The following DHRSX variants were observed in gnomAD, a reference collection of about 807,000 sequenced individuals.
The protein encoded by DHRSX is dehydrogenase/reductase X-linked.
Under a neutral mutation model 34.0 loss-of-function variants are expected in DHRSX, and 31 were observed. The ratio of observed to expected loss-of-function variants is 0.91; its 90% CI spans 0.69 to 1.23. DHRSX has a LOEUF of 1.23. DHRSX is among the 50% of genes most tolerant of loss of function. DHRSX has a pLI of 0.00. For missense variants in DHRSX, 414 were observed against 428.1 expected (o/e 0.97, Z 0.29); for synonymous variants, 201 against 183.8 (o/e 1.09, Z -0.76).
intron 3 of DHRSX, among the ~76,000 whole-genome samples, chrX:2,348,098 G>A (rs2042743283): frequency 6.6e-6 from 1 of 152,084 alleles, no homozygotes; most frequent in African/African-American, 2.4e-5. Context: ...CCCTGCCTTG[G>A]GATAGTCCAA....
At chrX:2,246,859 A>G (rs1023801083) in intron 5 of DHRSX, among the ~76,000 whole-genome samples, 2 of 152,210 alleles carry the variant, frequency 1.3e-5, no homozygotes, top group Non-Finnish European at 2.9e-5. Flanking sequence ...CACATAAAAG[A>G]AAACCAAAAA....
At chrX:2,328,787 T>C (rs1392291102) in intron 3 of DHRSX, among the ~76,000 whole-genome samples, 2 of 152,138 alleles carry the variant, frequency 1.3e-5, no homozygotes, top group African/African-American at 4.8e-5. Flanking sequence ...ATACAACAGG[T>C]GTTTCATCCT....
chrX:2,363,027 C>T (rs2042953018), intron 3 of DHRSX, among the ~76,000 whole-genome samples: 4 of 117,636 alleles, frequency 3.4e-5, no homozygotes, highest in African/African-American at 6.1e-5. Context: ...ATTTTATCAC[C>T]GTTCTATGGT....
chrX:2,226,079 A>G (rs1329522983), intron 6 of DHRSX, among the ~76,000 whole-genome samples: 1 of 152,078 alleles, frequency 6.6e-6, no homozygotes, highest in African/African-American at 2.4e-5. Context: ...GACGGTGGGA[A>G]AATCAGTGTC....
chrX:2,227,586 TG>T (rs2015704704), intron 6 of DHRSX, among the ~76,000 whole-genome samples: 1 of 48,470 alleles, frequency 2.1e-5, no homozygotes, highest in Non-Finnish European at 3.9e-5. Context: ...AAGGGAAGGA[TG>T]AAAAAAGAAA....
At chrX:2,313,203 C>G (rs1185590290) in intron 3 of DHRSX, among the ~76,000 whole-genome samples, 3 of 151,620 alleles carry the variant, frequency 2.0e-5, no homozygotes, top group African/African-American at 7.3e-5. Flanking sequence ...GGGGTTTCAC[C>G]ATGTTGGCCA....
chrX:2,291,726 C>A, intron 3 of DHRSX, 123 bp from the exon 4 acceptor site: 1 of 724,812 alleles, frequency 1.4e-6, no homozygotes, highest in East Asian at 2.5e-5. Flanking sequence ...TTTTTCTGCT[C>A]TTTTTGAGAT....
Position 2,489,479 on chromosome X carries a change from G to A in DHRSX, c.109+11338C>T, listed in dbSNP as rs946127824. ...CACCATGCTGATGGTGGGGTACCTG[G>A]AGGCCGACAGCATCTCGGCCACCTG... On this transcript the variant is annotated intron_variant, in intron 1 of 6. Coordinates refer to ENST00000334651, the MANE Select transcript of DHRSX (RefSeq NM_145177.3). The A allele has an allele frequency of 1.9e-6, 3 of 1,613,760 alleles. 1 individual carries two copies. The highest frequency in any genetic ancestry group is 3.3e-5 in the Admixed American group (2 of 60,008).
intron 3 of DHRSX, among the ~76,000 whole-genome samples, chrX:2,310,831 CG>C (rs1405009783): frequency 6.6e-6 from 1 of 151,644 alleles, no homozygotes; most frequent in Non-Finnish European, 1.5e-5. Flanking sequence ...GAGGCCGAGG[CG>C]GGTGGATCGC....
In DHRSX at chrX:2,485,780, AAAAGG is replaced by A. The variant is rs1355419843; in HGVS notation, c.109+15032_109+15036del. Reference sequence around the variant, plus strand: ...GAAGGGAGAGAAGGAAGGAAGGGAGAAAAGGGAGAGAAGGGAGAGAAGGAAGGAAG... The same window carrying A: ...GAAGGGAGAGAAGGAAGGAAGGGAGAGAGAGAAGGGAGAGAAGGAAGGAAG... On this transcript the variant is annotated intron_variant, in intron 1 of 6. Transcript: ENST00000334651. Among the ~76,000 whole-genome samples the A allele has an allele frequency of 2.8e-4, 5 of 18,162 alleles. 1 individual carries two copies. Among genetic ancestry groups the A allele is most frequent in the Non-Finnish European group, 4.7e-4 (5 of 10,670 alleles). The allele number at this position is 18,162 out of a possible 152,430, so 11.9% of individuals were successfully genotyped here.
In DHRSX at chrX:2,440,790, C is replaced by T. The variant is rs754598146; in HGVS notation, c.110-15486G>A. Among the ~76,000 whole-genome samples the T allele has an allele frequency of 2.0e-5, 3 of 152,246 alleles. No homozygotes were observed. The East Asian group carries it at 5.8e-4, about 29-fold the overall frequency. On this transcript the variant is annotated intron_variant, in intron 1 of 6. Coordinates refer to ENST00000334651, the MANE Select transcript of DHRSX (RefSeq NM_145177.3). ...TGGGCCTTGGACTGGCTTCCTGGCTCCTCAGCTTGCAGACGGCCTATTGTG... is the reference window on the plus strand; with the variant it reads ...TGGGCCTTGGACTGGCTTCCTGGCTTCTCAGCTTGCAGACGGCCTATTGTG...
At chrX:2,393,627 T>TCC (rs1556503518) in intron 3 of DHRSX, among the ~76,000 whole-genome samples, 18 of 71,440 alleles carry the variant, frequency 2.5e-4, no homozygotes, top group Non-Finnish European at 2.9e-4. Flanking sequence ...CCCCGTCTCC[T>TCC]GCACACACGA....
intron 3 of DHRSX, among the ~76,000 whole-genome samples, chrX:2,383,012 CATT>C (rs2043230727): frequency 6.6e-6 from 1 of 151,386 alleles, no homozygotes. Flanking sequence ...TCACCAACAT[CATT>C]ATCATTTCTA....
rs188858224 is a variant in DHRSX at position 2,400,742 on chromosome X, C to A, written c.286+8003G>T. On this transcript the variant is annotated intron_variant, in intron 3 of 6. Transcript: ENST00000334651. ...AAAGAGCTCTCTTACTGACAACAAGCATTCATCCTACACTTCACTGACTCT... is the reference window on the plus strand; with the variant it reads ...AAAGAGCTCTCTTACTGACAACAAGAATTCATCCTACACTTCACTGACTCT... Among the ~76,000 whole-genome samples the A allele has an allele frequency of 4.4e-4, 67 of 152,310 alleles. 1 individual carries two copies. The highest frequency in any genetic ancestry group is 1.5e-3 in the African/African-American group (63 of 41,564).
chrX:2,344,484 C>A (rs1307798445), intron 3 of DHRSX, among the ~76,000 whole-genome samples: 1 of 151,954 alleles, frequency 6.6e-6, no homozygotes, highest in Non-Finnish European at 1.5e-5. Context: ...CGACCACAGA[C>A]TGGATAAAGA....
intron 3 of DHRSX, among the ~76,000 whole-genome samples, chrX:2,351,288 G>T (rs1313612162): frequency 7.9e-5 from 12 of 152,180 alleles, no homozygotes; most frequent in Admixed American, 7.2e-4. Flanking sequence ...TAAATGTTCG[G>T]CTACATCGTA....
chrX:2,229,517 G>A (rs1365732071), intron 6 of DHRSX, among the ~76,000 whole-genome samples: 1 of 152,050 alleles, frequency 6.6e-6, no homozygotes, highest in African/African-American at 2.4e-5. Context: ...GATGTTTTCT[G>A]GGATGCTGAC....
At chrX:2,436,661 T>G (rs1378004296) in intron 1 of DHRSX, among the ~76,000 whole-genome samples, 2 of 149,534 alleles carry the variant, frequency 1.3e-5, no homozygotes, top group African/African-American at 5.0e-5. Context: ...ATCTGCCAGT[T>G]TTTTTTTTAA....
At chrX:2,258,005 C>A (rs2041302642) in intron 5 of DHRSX, among the ~76,000 whole-genome samples, 1 of 152,088 alleles carries the variant, frequency 6.6e-6, no homozygotes, top group Non-Finnish European at 1.5e-5. Context: ...GACTGAGGTC[C>A]TTATAAGAAG....
Sources: allele counts gnomAD v4.1 joint callset (sites outside exome capture counted in the v4.1 genomes callset), GRCh38; gene constraint gnomAD v4.1.1; transcripts MANE v1.5; gene names NCBI Gene and HGNC (gene_info 2026-07-23, HGNC 2026-07-21).